SLK: variants seen among roughly 807,000 people sequenced by gnomAD.
The protein encoded by SLK is STE20 like kinase, also known as STE20-like serine/threonine-protein kinase.
Under a neutral mutation model 147.7 loss-of-function variants are expected in SLK, and 67 were observed. That is an observed-to-expected ratio of 0.45 (90% CI 0.37 to 0.56). SLK has a LOEUF of 0.56. Ranked by LOEUF, SLK falls within the 20% of genes least tolerant of loss-of-function variation. SLK has a pLI of 0.00. For missense variants in SLK, 1,136 were observed against 1,438.8 expected (o/e 0.79, Z 3.41); for synonymous variants, 441 against 475.0 (o/e 0.93, Z 0.93).
intron 17 of SLK, 127 bp downstream of exon 17, chr10:104,020,740 GT>G: frequency 2.0e-6 from 2 of 978,636 alleles, no homozygotes; most frequent in Non-Finnish European, 3.0e-6. Flanking sequence ...GAGAGGTTCT[GT>G]TTTTTGTACA....
chr10:104,014,008 G>A (rs1844431339), intron 13 of SLK, among the ~76,000 whole-genome samples: 2 of 152,072 alleles, frequency 1.3e-5, no homozygotes, highest in African/African-American at 2.4e-5. Context: ...CGGTAGAGCT[G>A]GAACTAGAGC....
chr10:104,008,367 A>T lies in SLK; in HGVS notation c.2784+11A>T, dbSNP rs1358376926. 2.5e-6 allele frequency: 4 copies of T among 1,573,624 alleles called. No individual in the cohort carries two copies. Among genetic ancestry groups the T allele is most frequent in the Non-Finnish European group, 3.4e-6 (4 of 1,162,074 alleles). On this transcript the variant is annotated intron_variant, in intron 12 of 18. Transcript: ENST00000369755. Reference sequence around the variant, plus strand: ...AACCGAAAGAAGGAGGTAAGTGTAAACTACTGTTTTTAATTACTAAAGCTT... The same window carrying T: ...AACCGAAAGAAGGAGGTAAGTGTAATCTACTGTTTTTAATTACTAAAGCTT...
chr10:103,997,295 A>G (rs947572364), intron 4 of SLK, among the ~76,000 whole-genome samples: 1 of 152,226 alleles, frequency 6.6e-6, no homozygotes, highest in African/African-American at 2.4e-5. Context: ...TTGTATGTAT[A>G]TAACACATTT....
rs1844596888 is a variant in SLK, at chr10:104,026,188, C to T, written c.*468C>T. On this transcript the variant is annotated 3_prime_UTR_variant, in exon 19 of 19. Transcript: ENST00000369755. Reference sequence around the variant, plus strand: ...TCTCATAAAAAAGCTATGATTTGCTCAAATATGCTGTTGACTCAGTAAATG... The same window carrying T: ...TCTCATAAAAAAGCTATGATTTGCTTAAATATGCTGTTGACTCAGTAAATG... 1 of 152,808 alleles carries T rather than the reference C, an allele frequency of 6.5e-6. No individual in the cohort carries two copies. The highest frequency in any genetic ancestry group is 2.1e-4 in the South Asian group (1 of 4,840). The allele number at this position is 152,808 out of a possible 1,614,324, so 9.5% of individuals were successfully genotyped here.
chr10:103,970,699 A>G (rs1396316824), intron 1 of SLK, among the ~76,000 whole-genome samples: 3 of 152,218 alleles, frequency 2.0e-5, no homozygotes, highest in Non-Finnish European at 4.4e-5. Flanking sequence ...TGGAACCTTA[A>G]CATAGTACGT....
chr10:103,979,059 A>C (rs1843907588), intron 1 of SLK, among the ~76,000 whole-genome samples: 1 of 152,226 alleles, frequency 6.6e-6, no homozygotes, highest in South Asian at 2.1e-4. Context: ...TCTGTCGCCC[A>C]GGCAGGAGTG....
At chr10:103,990,260 G>C (rs1844074608) in intron 1 of SLK, among the ~76,000 whole-genome samples, 1 of 152,122 alleles carries the variant, frequency 6.6e-6, no homozygotes, top group South Asian at 2.1e-4. Flanking sequence ...TATAACGAGG[G>C]CTACATGTCA....
intron 13 of SLK, among the ~76,000 whole-genome samples, chr10:104,013,658 T>C (rs992562746): frequency 6.6e-6 from 1 of 152,236 alleles, no homozygotes; most frequent in African/African-American, 2.4e-5. Flanking sequence ...TGATTCAGTC[T>C]TTTCAGTTGT....
rs1399706465 is a variant in SLK at position 104,027,812 on chromosome 10, A to T, written c.*2092A>T. The T allele has an allele frequency of 6.6e-6, 1 of 152,068 alleles. No individual in the cohort carries two copies. Among genetic ancestry groups the T allele is most frequent in the East Asian group, 1.9e-4 (1 of 5,180 alleles). The allele number at this position is 152,068 out of a possible 1,614,324, so 9.4% of individuals were successfully genotyped here. The stretch of plus-strand genomic sequence containing the variant: ...TTCTTTCTGTTCCTTTCAACTTGAC[A>T]TTCAGATTATTGACTCAAGGAGAGA... On this transcript the variant is annotated 3_prime_UTR_variant, in exon 19 of 19. Transcript: ENST00000369755.
rs1167549377 is a variant in SLK at position 104,027,418 on chromosome 10, A to C, written c.*1698A>C. The C allele has an allele frequency of 6.6e-6, 1 of 152,600 alleles. No individual in the cohort carries two copies. The highest frequency in any genetic ancestry group is 1.5e-5 in the Non-Finnish European group (1 of 68,032). The allele number at this position is 152,600 out of a possible 1,614,324, so 9.5% of individuals were successfully genotyped here. The stretch of plus-strand genomic sequence containing the variant: ...TGTATGGTTGTAAATTCATACACTT[A>C]TCACATGAATGTGTTACTGTATACA... On this transcript the variant is annotated 3_prime_UTR_variant, in exon 19 of 19. Transcript: ENST00000369755.
At chr10:104,001,629 G>A in intron 8 of SLK, 57 bp downstream of exon 8, 1 of 1,590,652 alleles carries the variant, frequency 6.3e-7, no homozygotes, top group Admixed American at 1.7e-5. Flanking sequence ...TTGAGGTGTA[G>A]TTGCTCCTGT....
At chr10:103,994,542 G>A (rs1844141047) in intron 4 of SLK, among the ~76,000 whole-genome samples, 1 of 151,930 alleles carries the variant, frequency 6.6e-6, no homozygotes, top group Non-Finnish European at 1.5e-5. Flanking sequence ...GGGGGATGAG[G>A]GCAATATCAC....
In SLK at chr10:104,005,954, G is replaced by A. The variant is rs1395777487; in HGVS notation, c.2523G>A (p.Glu841=). ...LRELRFLQKE[E]QRAQQQLNSK... ...AATTAAGATTTCTTCAGAAAGAAGA[G>A]CAAAGAGCCCAACAACAGCTCAATA... is the stretch of plus-strand genomic sequence containing the variant. The change falls in exon 11 of 19, where the codon GAG becomes GAA. Residue 841 remains glutamate, a synonymous_variant. Transcript: ENST00000369755. The A allele has an allele frequency of 5.6e-6, 9 of 1,611,934 alleles. No individual in the cohort carries two copies. The highest frequency in any genetic ancestry group is 1.3e-5 in the African/African-American group (1 of 74,774).
chr10:103,989,777 G>T (rs937685502), intron 1 of SLK, among the ~76,000 whole-genome samples: 2 of 152,040 alleles, frequency 1.3e-5, no homozygotes, highest in Admixed American at 1.3e-4. Flanking sequence ...CAACAATTTG[G>T]CAGTTTCTTA....
chr10:103,969,276 A>G (rs944720332), intron 1 of SLK, among the ~76,000 whole-genome samples: 3 of 152,038 alleles, frequency 2.0e-5, no homozygotes, highest in African/African-American at 4.8e-5. Context: ...GCTGCCTACT[A>G]CTTTCTAAGC....
At chr10:104,015,778 TTA>T (rs1215775684) in intron 13 of SLK, among the ~76,000 whole-genome samples, 2 of 152,196 alleles carry the variant, frequency 1.3e-5, no homozygotes, top group African/African-American at 4.8e-5. Flanking sequence ...TGGCACTGGC[TTA>T]TATTTACCTT....
intron 13 of SLK, among the ~76,000 whole-genome samples, chr10:104,015,369 T>C (rs890388715): frequency 1.4e-4 from 22 of 152,218 alleles, no homozygotes; most frequent in Middle Eastern, 3.2e-3. Flanking sequence ...AGCTCCTCTT[T>C]ACCCTTTAGG....
At chr10:104,020,741 T>C in intron 17 of SLK, 128 bp downstream of exon 17, 1 of 930,960 alleles carries the variant, frequency 1.1e-6, no homozygotes, top group South Asian at 1.8e-5. Context: ...AGAGGTTCTG[T>C]TTTTTGTACA....
Position 104,003,213 on chromosome 10 carries a change from A to G in SLK, c.2035A>G (p.Ile679Val), listed in dbSNP as rs1202178501. ...GGATGCTTCTAAAGTCACTACTCAG[A>G]TAGATAAAGAGAAAAAAGAAATTCC... ...VQDASKVTTQIDKEKKEIPVS... is the reference protein window; with the variant it reads ...VQDASKVTTQVDKEKKEIPVS... Residue 679 changes from isoleucine (I) to valine (V), a missense_variant, in exon 9 of 19, where the codon ATA (isoleucine) becomes GTA (valine). Transcript: ENST00000369755. The G allele has an allele frequency of 1.2e-6, 2 of 1,612,674 alleles. No individual in the cohort carries two copies. The highest frequency in any genetic ancestry group is 2.2e-5 in the South Asian group (2 of 90,908).
Sources: gnomAD v4.1 joint callset for allele counts (sites outside exome capture counted in the v4.1 genomes callset) on GRCh38, gnomAD v4.1.1 for gene constraint, MANE v1.5 for transcripts, NCBI Gene and HGNC (gene_info 2026-07-23, HGNC 2026-07-21) for gene names.